The following ATP9B variants were observed in gnomAD, a reference collection of about 807,000 sequenced individuals.
The protein encoded by ATP9B is ATPase phospholipid transporting 9B.
Under a neutral mutation model 146.1 loss-of-function variants are expected in ATP9B, and 110 were observed. The ratio of observed to expected loss-of-function variants is 0.75; its 90% CI spans 0.65 to 0.88. The LOEUF (loss-of-function observed/expected upper bound fraction) is 0.88, where lower values mean the gene tolerates loss of function less well. Among genes scored for constraint, ATP9B ranks in the 40% least tolerant of loss-of-function variants. The pLI is 0.00. For synonymous variants in ATP9B, 604 were observed against 569.7 expected, an observed-to-expected ratio of 1.06 and a Z score of -0.86; for missense variants, 1,499 against 1,496.4, an observed-to-expected ratio of 1.00 and a Z score of -0.03.
chr18:79,252,607 T>C (rs1228169433), intron 11 of ATP9B, among the ~76,000 whole-genome samples: 1 of 152,174 alleles, frequency 6.6e-6, no homozygotes, highest in African/African-American at 2.4e-5. Flanking sequence ...TCTCTCTGTT[T>C]CCAAGATCCT....
At chr18:79,260,491 C>G (rs1170384221) in intron 12 of ATP9B, among the ~76,000 whole-genome samples, 3 of 152,170 alleles carry the variant, frequency 2.0e-5, no homozygotes, top group Non-Finnish European at 4.4e-5. Flanking sequence ...AGCAACTCTG[C>G]AGAAACCAGG....
intron 11 of ATP9B, among the ~76,000 whole-genome samples, chr18:79,224,828 G>A (rs760744530): frequency 2.0e-5 from 3 of 152,184 alleles, no homozygotes; most frequent in African/African-American, 4.8e-5. Flanking sequence ...TGGGCAGGCC[G>A]TGTAGGGTGC....
intron 12 of ATP9B, among the ~76,000 whole-genome samples, chr18:79,268,290 G>C (rs2096223860): frequency 6.6e-6 from 1 of 151,876 alleles, no homozygotes; most frequent in Non-Finnish European, 1.5e-5. Flanking sequence ...CTTGTAATTG[G>C]TTTAATTTTT....
chr18:79,221,738 C>G (rs1290333482), intron 11 of ATP9B, among the ~76,000 whole-genome samples: 2 of 151,980 alleles, frequency 1.3e-5, no homozygotes, highest in African/African-American at 4.8e-5. Context: ...ACAAACAAAA[C>G]TCCACCTATC....
At chr18:79,343,801 C>T (rs997985484) in intron 20 of ATP9B, 2 of 229,920 alleles carry the variant, frequency 8.7e-6, no homozygotes, top group Middle Eastern at 1.6e-3. Context: ...CTCTCAGCAG[C>T]GCTGCTCCCC....
rs909610339 is a variant in ATP9B at position 79,207,713 on chromosome 18, G to A, written c.1030+701G>A. On this transcript the variant is annotated intron_variant, in intron 10 of 29. Coordinates refer to ENST00000426216, the MANE Select transcript of ATP9B (RefSeq NM_198531.5). ...TAGATTGTTGGAGCTGTGTCTTCTCGGTGCTGCCCAGTGCTGGGTGCCCTT... is the reference window on the plus strand; with the variant it reads ...TAGATTGTTGGAGCTGTGTCTTCTCAGTGCTGCCCAGTGCTGGGTGCCCTT... Among the ~76,000 whole-genome samples, 51 of 152,102 alleles carry A rather than the reference G, an allele frequency of 3.4e-4. 1 individual carries two copies. Among genetic ancestry groups the A allele is most frequent in the African/African-American group, 1.1e-3 (44 of 41,508 alleles).
chr18:79,160,321 T>C (rs1309900982), intron 7 of ATP9B, among the ~76,000 whole-genome samples: 1 of 152,240 alleles, frequency 6.6e-6, no homozygotes, highest in East Asian at 1.9e-4. Context: ...ACAGTTGCTT[T>C]TGGCAATTTT....
In ATP9B at chr18:79,199,487, C is replaced by T. The variant is rs944048927; in HGVS notation, c.954+6224C>T. ...TGTTAAAAACAAAGACACAGCTGGG[C>T]GTGGTGGCTCACGCCTGTAATCCCA... On this transcript the variant is annotated intron_variant, in intron 9 of 29. Transcript: ENST00000426216. 4.0e-5 allele frequency among the ~76,000 whole-genome samples: 6 copies of T among 151,890 alleles called. No individual in the cohort carries two copies. In the East Asian group the frequency reaches 9.7e-4, roughly 25 times the overall value.
At chr18:79,078,969 T>G (rs2072945064) in intron 1 of ATP9B, among the ~76,000 whole-genome samples, 1 of 152,204 alleles carries the variant, frequency 6.6e-6, no homozygotes, top group Admixed American at 6.5e-5. Context: ...GCTTCGTCCA[T>G]GTCCACGCAA....
rs114036895 is a variant in ATP9B, at chr18:79,096,504, T to C, written c.148T>C (p.Leu50=). The change falls in exon 2 of 30, where the codon TTG becomes CTG. Residue 50 remains leucine, a synonymous_variant. Coordinates refer to ENST00000426216, the MANE Select transcript of ATP9B (RefSeq NM_198531.5). ...RYQLEDESAH[L]DEMPLMMSEE... is the part of the protein sequence containing the mutation. Reference sequence around the variant, plus strand: ...CCAGCTGGAGGATGAGTCTGCGCATTTGGATGAAATGCCACTAATGATGTC... The same window carrying C: ...CCAGCTGGAGGATGAGTCTGCGCATCTGGATGAAATGCCACTAATGATGTC... 6,427 of 1,614,054 alleles carry C rather than the reference T, an allele frequency of 4.0e-3. 54 individuals are homozygous for C. The highest frequency in any genetic ancestry group is 0.021 in the South Asian group (1,916 of 91,066).
At chr18:79,127,303 C>T (rs1289197735) in intron 5 of ATP9B, among the ~76,000 whole-genome samples, 1 of 152,120 alleles carries the variant, frequency 6.6e-6, no homozygotes, top group Non-Finnish European at 1.5e-5. Flanking sequence ...GTTTAGCATA[C>T]TTTTGACATT....
chr18:79,200,788 T>TGTCGG (rs2095477239), intron 9 of ATP9B, among the ~76,000 whole-genome samples: 5 of 35,450 alleles, frequency 1.4e-4, no homozygotes, highest in Admixed American at 2.5e-4. Flanking sequence ...GAAGTAGTGG[T>TGTCGG]GGAATTGTTT....
chr18:79,165,811 G>A (rs1413668283), intron 7 of ATP9B, among the ~76,000 whole-genome samples: 1 of 152,140 alleles, frequency 6.6e-6, no homozygotes, highest in Admixed American at 6.5e-5. Flanking sequence ...ATTTTCCCCA[G>A]ACTCATGTTG....
At chr18:79,072,988 A>G (rs1427741820) in intron 1 of ATP9B, among the ~76,000 whole-genome samples, 4 of 151,572 alleles carry the variant, frequency 2.6e-5, no homozygotes, top group Admixed American at 2.0e-4. Flanking sequence ...CACTTCCTAG[A>G]CGGGATGACG....
intron 11 of ATP9B, among the ~76,000 whole-genome samples, chr18:79,224,653 C>T (rs2095711866): frequency 6.6e-6 from 1 of 152,216 alleles, no homozygotes; most frequent in Admixed American, 6.5e-5. Context: ...AGCCAGCTAG[C>T]AGGGCAGGTC....
intron 4 of ATP9B, chr18:79,117,599 A>G (rs140754654): frequency 6.6e-6 from 1 of 152,284 alleles, no homozygotes; most frequent in East Asian, 1.9e-4. Context: ...AAGTAGTTGG[A>G]AAGGAGGTCA....
chr18:79,332,549 C>T (rs1258787457), intron 17 of ATP9B, among the ~76,000 whole-genome samples: 1 of 152,156 alleles, frequency 6.6e-6, no homozygotes, highest in Non-Finnish European at 1.5e-5. Context: ...GTTGAGGAGG[C>T]TGAGGAGGAG....
chr18:79,113,150 GT>G, intron 3 of ATP9B, 90 bp from the exon 4 acceptor site: 1 of 655,384 alleles, frequency 1.5e-6, no homozygotes, highest in Admixed American at 2.7e-5. Context: ...TGGAAATGTG[GT>G]TATATGTTGT....
rs1402204158 is a variant in ATP9B, at chr18:79,377,510, C to T, written c.*127C>T. On this transcript the variant is annotated 3_prime_UTR_variant, in exon 30 of 30. Coordinates refer to ENST00000426216, the MANE Select transcript of ATP9B (RefSeq NM_198531.5). ...AGCACCACAAGAAAGGGAGGGTACG[C>T]CAGGCGAGCCCAGGGCACAGATGCT... The T allele has an allele frequency of 9.0e-6, 11 of 1,221,486 alleles. No homozygotes were observed. Among genetic ancestry groups the T allele is most frequent in the Non-Finnish European group, 1.1e-5 (10 of 885,486 alleles). The allele number at this position is 1,221,486 out of a possible 1,614,324, so 75.7% of individuals were successfully genotyped here.
Sources: gnomAD v4.1 joint callset for allele counts (sites outside exome capture counted in the v4.1 genomes callset) on GRCh38, gnomAD v4.1.1 for gene constraint, MANE v1.5 for transcripts, NCBI Gene and HGNC (gene_info 2026-07-23, HGNC 2026-07-21) for gene names.